Variants in INPP5D observed in about 807,000 individuals in gnomAD.
INPP5D encodes phosphatidylinositol 3,4,5-trisphosphate 5-phosphatase 1.
INPP5D carries 33 observed loss-of-function variants against 122.9 expected under a neutral mutation model. That is an observed-to-expected ratio of 0.27 (90% CI 0.20 to 0.36). The LOEUF (loss-of-function observed/expected upper bound fraction) is 0.36, where lower values mean the gene tolerates loss of function less well. INPP5D is among the 10% of genes least tolerant of loss of function. The pLI is 1.00. For synonymous variants in INPP5D, 584 were observed against 576.2 expected, an observed-to-expected ratio of 1.01 and a Z score of -0.19; for missense variants, 1,053 against 1,412.7, an observed-to-expected ratio of 0.75 and a Z score of 4.08.
At chr2:233,168,501 A>G (rs75702920) in intron 13 of INPP5D, among the ~76,000 whole-genome samples, 3,298 of 152,330 alleles carry the variant, frequency 0.022, 79 homozygotes, top group East Asian at 0.12. Context: ...AACTGTCACA[A>G]TGCTTCAGCT....
rs545407092 is a variant in INPP5D, at chr2:233,174,408, T to C, written c.1990-2857T>C. Among the ~76,000 whole-genome samples the C allele has an allele frequency of 2.9e-3, 436 of 152,348 alleles. 2 individuals are homozygous for C. Among genetic ancestry groups the C allele is most frequent in the African/African-American group, 0.01 (416 of 41,582 alleles). On this transcript the variant is annotated intron_variant, in intron 17 of 26. Transcript: ENST00000445964. ...ATAATTTTGTAGGACCTCTGTCCTATATGCAGTCCATTACTGTGGTACATG... is the reference window on the plus strand; with the variant it reads ...ATAATTTTGTAGGACCTCTGTCCTACATGCAGTCCATTACTGTGGTACATG...
At chr2:233,152,870 G>T (rs948462413) in intron 9 of INPP5D, among the ~76,000 whole-genome samples, 11 of 152,240 alleles carry the variant, frequency 7.2e-5, no homozygotes, top group East Asian at 5.8e-4. Flanking sequence ...AGCTGGGGGG[G>T]GTGTGGTGTG....
chr2:233,127,435 A>T (rs1018906667), intron 4 of INPP5D, among the ~76,000 whole-genome samples: 1 of 152,232 alleles, frequency 6.6e-6, no homozygotes, highest in African/African-American at 2.4e-5. Context: ...GCTGCTTTGC[A>T]CATAGAGGAC....
chr2:233,169,258 G>A, intron 13 of INPP5D, 47 bp from the exon 14 acceptor site: 1 of 1,556,590 alleles, frequency 6.4e-7, no homozygotes, highest in Non-Finnish European at 8.7e-7. Flanking sequence ...CCCTTGGCAA[G>A]TGTGTCTGTT....
rs1289828752 is a variant in INPP5D, at chr2:233,177,520, C to A, written c.2071+174C>A. 6.6e-6 allele frequency among the ~76,000 whole-genome samples: 1 copy of A among 152,244 alleles called. No individual in the cohort carries two copies. Among genetic ancestry groups the A allele is most frequent in the Admixed American group, 6.5e-5 (1 of 15,288 alleles). On this transcript the variant is annotated intron_variant, in intron 18 of 26. Transcript: ENST00000445964. This position sits in a 1 kb window ranked among gnomAD's most constrained non-coding sequence, Gnocchi z 4.2. ...TTGATGCTTCCCTGCCTGTCTTGTG[C>A]TGCCACCTAATCCATATCCCCTGCT...
chr2:233,121,279 G>A (rs186590689), intron 2 of INPP5D, among the ~76,000 whole-genome samples: 466 of 150,858 alleles, frequency 3.1e-3, no homozygotes, highest in Non-Finnish European at 4.5e-3. Context: ...TTACAGGTGC[G>A]CACCACCACG....
chr2:233,199,604 C>T (rs536009774), intron 25 of INPP5D, among the ~76,000 whole-genome samples: 2 of 151,438 alleles, frequency 1.3e-5, no homozygotes, highest in African/African-American at 4.9e-5. Context: ...CCGAGGCAGA[C>T]AGATCTCGAG....
intron 1 of INPP5D, among the ~76,000 whole-genome samples, chr2:233,063,939 G>T (rs1372923800): frequency 6.6e-6 from 1 of 152,266 alleles, no homozygotes; most frequent in Non-Finnish European, 1.5e-5. Context: ...GAGCTGTCAG[G>T]CTCATGCCCT....
At position 233,095,615 on chromosome 2, in the gene INPP5D, CAA is replaced by C. The variant is rs59030376; in HGVS notation, c.198+16244_198+16245del. ...CTAGGCAACAAGATTGAAACTGTCT[CAA>C]AAAAAAAAAAAAAAAAAAAAAAAAA... On this transcript the variant is annotated intron_variant, in intron 2 of 26. Transcript: ENST00000445964. Among the ~76,000 whole-genome samples, 482 of 129,064 alleles carry C rather than the reference CAA, an allele frequency of 3.7e-3. 8 individuals are homozygous for C. The highest frequency in any genetic ancestry group is 0.012 in the African/African-American group (435 of 35,200). The allele number at this position is 129,064 out of a possible 152,430, so 84.7% of individuals were successfully genotyped here.
intron 17 of INPP5D, among the ~76,000 whole-genome samples, chr2:233,174,645 A>G (rs1355472493): frequency 6.6e-6 from 1 of 152,098 alleles, no homozygotes; most frequent in African/African-American, 2.4e-5. Flanking sequence ...TACAAAAATT[A>G]GCCAGGTGTG....
At position 233,170,482 on chromosome 2, in the gene INPP5D, T is replaced by C; in HGVS notation, c.1792-14T>C. ...GGGCTTCTCACCAGAGGCCCGGGCA[T>C]GTTCTTGTTCCAGGAGGCAGAAACC... On this transcript the variant is annotated splice_polypyrimidine_tract_variant and intron_variant, in intron 15 of 26. Coordinates refer to ENST00000445964, the MANE Select transcript of INPP5D (RefSeq NM_001017915.3). The surrounding 1 kb of genome is among the most constrained non-coding windows in gnomAD (Gnocchi z 4.5). The C allele has an allele frequency of 6.2e-7, 1 of 1,613,668 alleles. No individual in the cohort carries two copies. The highest frequency in any genetic ancestry group is 8.5e-7 in the Non-Finnish European group (1 of 1,179,776).
chr2:233,201,529 C>G (rs1427954425), intron 25 of INPP5D, among the ~76,000 whole-genome samples: 1 of 152,228 alleles, frequency 6.6e-6, no homozygotes, highest in Admixed American at 6.5e-5. Context: ...CATCCCTTTC[C>G]GCTGCTCCAG....
In INPP5D at chr2:233,060,379, C is replaced by G. The variant is rs1377892728; in HGVS notation, c.-100C>G. ...GGCAGCAGCCGAGGCCACCAAGAGG[C>G]AACGGGCGGCAGGTTGCAGTGGAGG... On this transcript the variant is annotated 5_prime_UTR_variant, in exon 1 of 27. Transcript: ENST00000445964. 3 of 1,377,512 alleles carry G rather than the reference C, an allele frequency of 2.2e-6. No individual in the cohort carries two copies. Among genetic ancestry groups the G allele is most frequent in the Non-Finnish European group, 2.0e-6 (2 of 1,025,628 alleles). The allele number at this position is 1,377,512 out of a possible 1,614,324, so 85.3% of individuals were successfully genotyped here.
At position 233,122,208 on chromosome 2, in the gene INPP5D, T is replaced by C. The variant is rs751719730; in HGVS notation, c.300T>C (p.Pro100=). 2.5e-6 allele frequency: 4 copies of C among 1,613,810 alleles called. No individual in the cohort carries two copies. Among genetic ancestry groups the C allele is most frequent in the Middle Eastern group, 1.6e-4 (1 of 6,080 alleles). ...GGCTGGTGACCCATCTGCAATACCC[T>C]GTGCCGCTGGAGGAAGAGGACACAG... ...NMGLVTHLQY[P]VPLEEEDTGD... is the part of the protein sequence containing the mutation. Residue 100 remains proline, a synonymous_variant, in exon 3 of 27, where the codon CCT becomes CCC. Coordinates refer to ENST00000445964, the MANE Select transcript of INPP5D (RefSeq NM_001017915.3).
chr2:233,180,056 C>T (rs1694744388), intron 18 of INPP5D, among the ~76,000 whole-genome samples: 1 of 152,152 alleles, frequency 6.6e-6, no homozygotes, highest in Non-Finnish European at 1.5e-5. Flanking sequence ...TACTCATCAT[C>T]CAGCAGGCCA....
At chr2:233,089,017 C>A (rs535995229) in intron 2 of INPP5D, among the ~76,000 whole-genome samples, 2 of 152,284 alleles carry the variant, frequency 1.3e-5, no homozygotes, top group Admixed American at 1.3e-4. Flanking sequence ...GCATTACAGC[C>A]GTATGTCCCG....
intron 5 of INPP5D, chr2:233,131,292 A>G (rs1168363871): frequency 5.0e-6 from 1 of 200,888 alleles, no homozygotes; most frequent in African/African-American, 2.4e-5. Flanking sequence ...ATGCCATCCA[A>G]AGAATTGGCA....
intron 18 of INPP5D, among the ~76,000 whole-genome samples, chr2:233,179,953 C>T (rs1382402685): frequency 6.6e-6 from 1 of 152,194 alleles, no homozygotes; most frequent in Non-Finnish European, 1.5e-5. Flanking sequence ...ATTTGGACTG[C>T]TCACCTCTGC....
At chr2:233,159,693 CAA>C (rs548439384) in intron 10 of INPP5D, among the ~76,000 whole-genome samples, 1 of 92,002 alleles carries the variant, frequency 1.1e-5, no homozygotes, top group African/African-American at 4.6e-5. Context: ...GATCCTGTCT[CAA>C]AAAAAAAAAA....
Sources: allele counts gnomAD v4.1 joint callset (sites outside exome capture counted in the v4.1 genomes callset), GRCh38; gene constraint gnomAD v4.1.1; non-coding constraint Gnocchi (gnomAD v3.1); transcripts MANE v1.5; gene names NCBI Gene and HGNC (gene_info 2026-07-23, HGNC 2026-07-21).